Variants in ZDHHC14 observed in about 807,000 individuals in gnomAD.
The protein encoded by ZDHHC14 is zDHHC palmitoyltransferase 14.
A neutral mutation model predicts 47.7 loss-of-function variants in ZDHHC14; 16 were observed. That is an observed-to-expected ratio of 0.34 (90% confidence interval 0.23 to 0.51). The LOEUF is 0.51. Among genes scored for constraint, ZDHHC14 ranks in the 20% least tolerant of loss-of-function variants. The probability of loss-of-function intolerance (pLI) is 0.97; values close to 1 mark genes in which losing one functional copy is unlikely to be tolerated. For synonymous variants in ZDHHC14, 293 were observed against 278.9 expected (o/e 1.05, Z -0.50); for missense variants, 515 against 662.5 (o/e 0.78, Z 2.44).
chr6:157,550,289 G>A (rs1205255591), intron 2 of ZDHHC14, among the ~76,000 whole-genome samples: 1 of 150,922 alleles, frequency 6.6e-6, no homozygotes, highest in Admixed American at 6.6e-5. Flanking sequence ...CACAAGACAC[G>A]CTAGAGAGAC....
intron 1 of ZDHHC14, among the ~76,000 whole-genome samples, chr6:157,409,840 G>T (rs2015793): frequency 0.82 from 121,422 of 148,750 alleles, 49,402 homozygotes; most frequent in Middle Eastern, 0.94. Context: ...TTTATTTTTT[G>T]GGGGGGGGGA....
intron 1 of ZDHHC14, among the ~76,000 whole-genome samples, chr6:157,460,221 AAAAAC>A (rs1420366865): frequency 6.6e-6 from 1 of 150,444 alleles, no homozygotes; most frequent in Non-Finnish European, 1.5e-5. Flanking sequence ...AACAAAAACA[AAAAAC>A]AAAACAAAAC....
intron 1 of ZDHHC14, among the ~76,000 whole-genome samples, chr6:157,414,543 A>C (rs1309113367): frequency 1.3e-5 from 2 of 152,212 alleles, no homozygotes; most frequent in African/African-American, 4.8e-5. Context: ...TTTCCAAGAC[A>C]GTATATGACT....
intron 1 of ZDHHC14, among the ~76,000 whole-genome samples, chr6:157,422,691 C>T (rs189538231): frequency 2.6e-5 from 4 of 152,272 alleles, no homozygotes; most frequent in African/African-American, 4.8e-5. Flanking sequence ...ATGATCAGGA[C>T]GGGCACGGTA....
At chr6:157,571,841 C>A (rs953222464) in intron 2 of ZDHHC14, among the ~76,000 whole-genome samples, 1 of 132,926 alleles carries the variant, frequency 7.5e-6, no homozygotes, top group South Asian at 2.3e-4. Flanking sequence ...GTGCTTGGGG[C>A]GGGGACTTCA....
At position 157,604,796 on chromosome 6, in the gene ZDHHC14, G is replaced by A. The variant is rs567030796; in HGVS notation, c.565+11650G>A. Among the ~76,000 whole-genome samples the A allele has an allele frequency of 8.5e-5, 13 of 152,226 alleles. No individual in the cohort carries two copies. In the East Asian group the frequency reaches 1.7e-3, roughly 20 times the overall value. Reference sequence around the variant, plus strand: ...TGACCTCAGGTGATCCACCTGCCTCGGCCTCCCAAAATGCTGGGATTACAG... The same window carrying A: ...TGACCTCAGGTGATCCACCTGCCTCAGCCTCCCAAAATGCTGGGATTACAG... On this transcript the variant is annotated intron_variant, in intron 3 of 8. Transcript: ENST00000359775.
chr6:157,429,579 A>AAGGG (rs71558298), intron 1 of ZDHHC14, among the ~76,000 whole-genome samples: 27,036 of 126,686 alleles, frequency 0.21, 3,184 homozygotes, highest in East Asian at 0.27. Flanking sequence ...GGAAGGAAGG[A>AAGGG]AGGGAGGGAG....
intron 1 of ZDHHC14, among the ~76,000 whole-genome samples, chr6:157,393,693 G>A (rs1489725944): frequency 1.3e-5 from 2 of 152,092 alleles, no homozygotes; most frequent in Non-Finnish European, 2.9e-5. Context: ...CATCTCTGGT[G>A]GTATAAGATA....
intron 1 of ZDHHC14, among the ~76,000 whole-genome samples, chr6:157,513,706 G>T (rs1378163675): frequency 6.6e-6 from 1 of 152,154 alleles, no homozygotes; most frequent in Non-Finnish European, 1.5e-5. Flanking sequence ...TGTTGATTAT[G>T]ATATGATTGT....
At chr6:157,453,726 T>C (rs1290032925) in intron 1 of ZDHHC14, among the ~76,000 whole-genome samples, 1 of 152,140 alleles carries the variant, frequency 6.6e-6, no homozygotes, top group East Asian at 1.9e-4. Context: ...GATGGGTGAC[T>C]ACCTGGTCCA....
At chr6:157,621,777 T>G (rs149050858) in intron 3 of ZDHHC14, among the ~76,000 whole-genome samples, 51 of 152,304 alleles carry the variant, frequency 3.3e-4, no homozygotes, top group South Asian at 1.0e-3. Context: ...GCAAATACTT[T>G]CCCCTCAATA....
intron 1 of ZDHHC14, among the ~76,000 whole-genome samples, chr6:157,419,417 T>A (rs1373874770): frequency 6.6e-6 from 1 of 152,252 alleles, no homozygotes; most frequent in Non-Finnish European, 1.5e-5. Context: ...AAATTCCCTG[T>A]ATGGTACAGT....
chr6:157,386,463 T>C (rs919495164), intron 1 of ZDHHC14, among the ~76,000 whole-genome samples: 25 of 152,230 alleles, frequency 1.6e-4, no homozygotes, highest in African/African-American at 5.8e-4. Context: ...CCTTCAGGGA[T>C]GTCTGGGGAC....
At chr6:157,450,592 C>T (rs576413405) in intron 1 of ZDHHC14, among the ~76,000 whole-genome samples, 2 of 150,960 alleles carry the variant, frequency 1.3e-5, no homozygotes, top group Non-Finnish European at 2.9e-5. Context: ...TCTTTGCAAA[C>T]GAAAAGGTCT....
chr6:157,661,730 T>C (rs1778350693), intron 8 of ZDHHC14, among the ~76,000 whole-genome samples: 1 of 152,252 alleles, frequency 6.6e-6, no homozygotes, highest in Admixed American at 6.5e-5. Flanking sequence ...AAAGTTATAC[T>C]GAGGTTCACC....
intron 3 of ZDHHC14, among the ~76,000 whole-genome samples, chr6:157,614,604 G>A (rs1346709111): frequency 1.3e-5 from 2 of 152,032 alleles, no homozygotes; most frequent in Middle Eastern, 3.2e-3. Context: ...AAAACCCCAT[G>A]GAATCGCTAG....
chr6:157,525,277 C>T (rs1781116386), intron 1 of ZDHHC14, among the ~76,000 whole-genome samples: 1 of 152,232 alleles, frequency 6.6e-6, no homozygotes, highest in South Asian at 2.1e-4. Flanking sequence ...CCTCCTGCCT[C>T]AGCCCCCTGA....
intron 1 of ZDHHC14, among the ~76,000 whole-genome samples, chr6:157,513,830 T>C (rs17165381): frequency 0.68 from 102,827 of 152,036 alleles, 35,566 homozygotes; most frequent in African/African-American, 0.83. Flanking sequence ...ACTCTGAAGA[T>C]GAGGCTCCTT....
At chr6:157,548,793 G>T (rs976490052) in intron 2 of ZDHHC14, among the ~76,000 whole-genome samples, 1 of 152,150 alleles carries the variant, frequency 6.6e-6, no homozygotes, top group Non-Finnish European at 1.5e-5. Flanking sequence ...AGTAGCCTTT[G>T]GGCTTCCTCC....
Sources: allele counts gnomAD v4.1 joint callset (sites outside exome capture counted in the v4.1 genomes callset), GRCh38; gene constraint gnomAD v4.1.1; transcripts MANE v1.5; gene names NCBI Gene and HGNC (gene_info 2026-07-23, HGNC 2026-07-21).